MCM9: variants seen among roughly 807,000 people sequenced by gnomAD.
The protein encoded by MCM9 is DNA helicase MCM9.
A neutral mutation model predicts 72.8 loss-of-function variants in MCM9; 55 were observed. The observed-to-expected ratio is 0.76, with a 90% CI of 0.61 to 0.95. The LOEUF is 0.95. Ranked by LOEUF, MCM9 falls within the 40% of genes least tolerant of loss-of-function variation. The pLI is 0.00. For synonymous variants in MCM9, 480 were observed against 503.4 expected (o/e 0.95, Z 0.62); for missense variants, 1,279 against 1,377.0 (o/e 0.93, Z 1.13).
At chr6:118,833,834 G>A (rs948544219) in intron 9 of MCM9, among the ~76,000 whole-genome samples, 1 of 152,058 alleles carries the variant, frequency 6.6e-6, no homozygotes, top group African/African-American at 2.4e-5. Flanking sequence ...TTTGCAAGAC[G>A]GAAAGAGTCC....
Position 118,911,593 on chromosome 6 carries a change from C to A in MCM9, c.1150+57G>T, listed in dbSNP as rs562914656. On this transcript the variant is annotated intron_variant, in intron 8 of 13. Coordinates refer to ENST00000619706, the MANE Select transcript of MCM9 (RefSeq NM_017696.3). ...ATAGGTAGTTTTTCATTAGAAAAAACCATTGTGTTAACTTCTGAAGTAATG... is the reference window on the plus strand; with the variant it reads ...ATAGGTAGTTTTTCATTAGAAAAAAACATTGTGTTAACTTCTGAAGTAATG... 52 of 1,535,482 alleles carry A rather than the reference C, an allele frequency of 3.4e-5. 1 individual carries two copies. The highest frequency in any genetic ancestry group is 7.8e-5 in the Admixed American group (4 of 51,496).
intron 9 of MCM9, among the ~76,000 whole-genome samples, chr6:118,850,016 T>TA (rs1489447551): frequency 1.3e-5 from 2 of 151,878 alleles, no homozygotes; most frequent in Non-Finnish European, 2.9e-5. Context: ...TTGACTTTGT[T>TA]AAAACAAGCT....
At chr6:118,933,964 CAAA>C (rs58109173) in intron 1 of MCM9, among the ~76,000 whole-genome samples, 7 of 100,312 alleles carry the variant, frequency 7.0e-5, no homozygotes, top group East Asian at 3.4e-4. Flanking sequence ...GGACTTTGCC[CAAA>C]AAAAAAAAAA....
chr6:118,894,056 C>T (rs1779164152), intron 8 of MCM9: 1 of 1,064,936 alleles, frequency 9.4e-7, no homozygotes, highest in Non-Finnish European at 1.1e-6. Flanking sequence ...CTAATCCACA[C>T]CAGCAGGTGG....
At chr6:118,900,658 C>A in intron 8 of MCM9, 1 of 774,256 alleles carries the variant, frequency 1.3e-6, no homozygotes, top group Non-Finnish European at 2.3e-6. Flanking sequence ...CTATGAGAAG[C>A]CAATTTTAAA....
chr6:118,918,770 GCCTTTGTGCCAAT>G (rs1192899280), intron 5 of MCM9: 2 of 152,244 alleles, frequency 1.3e-5, no homozygotes, highest in East Asian at 3.9e-4. Flanking sequence ...TCATTTCCAA[GCCTTTGTGCCAAT>G]TATATGATAT....
At chr6:118,901,522 G>C (rs1467726078) in intron 8 of MCM9, among the ~76,000 whole-genome samples, 1 of 152,098 alleles carries the variant, frequency 6.6e-6, no homozygotes, top group East Asian at 1.9e-4. Context: ...AGAATTTCTA[G>C]TAATAAAAAT....
chr6:118,834,570 C>T (rs1209356508), intron 9 of MCM9, among the ~76,000 whole-genome samples: 1 of 152,044 alleles, frequency 6.6e-6, no homozygotes, highest in African/African-American at 2.4e-5. Flanking sequence ...TGACATAGTA[C>T]CTAATTGTGG....
chr6:118,916,432 C>CATCATTATT (rs1554261915), intron 6 of MCM9, among the ~76,000 whole-genome samples: 1 of 142,394 alleles, frequency 7.0e-6, no homozygotes, highest in Non-Finnish European at 1.5e-5. Context: ...GAAATGGAAG[C>CATCATTATT]ATTATTATTA....
At chr6:118,818,497 T>A (rs1773556889) in intron 13 of MCM9, among the ~76,000 whole-genome samples, 1 of 152,202 alleles carries the variant, frequency 6.6e-6, no homozygotes, top group Non-Finnish European at 1.5e-5. Flanking sequence ...TATATCTGTT[T>A]TGGTACCAGC....
intron 3 of MCM9, among the ~76,000 whole-genome samples, chr6:118,925,028 A>C (rs1781772203): frequency 6.6e-6 from 1 of 151,422 alleles, no homozygotes; most frequent in African/African-American, 2.4e-5. Flanking sequence ...TGGGGAACAG[A>C]GGAAGACCCT....
At chr6:118,886,488 A>T (rs1778612311) in intron 8 of MCM9, among the ~76,000 whole-genome samples, 1 of 152,214 alleles carries the variant, frequency 6.6e-6, no homozygotes, top group Non-Finnish European at 1.5e-5. Flanking sequence ...ATTTATTGGA[A>T]CTAATAAATG....
In MCM9 at chr6:118,913,315, G is replaced by T; in HGVS notation, c.1010C>A (p.Ala337Asp). ...CTAACCTCTGACCCGTGTTCCTGTAGCATCAGTCCTTTGAATCCCACCAGC... is the reference window on the plus strand; with the variant it reads ...CTAACCTCTGACCCGTGTTCCTGTATCATCAGTCCTTTGAATCCCACCAGC... The part of the protein sequence containing the change: ...VLAGGIQRTD[A>D]TGTRVRGESH... Residue 337 changes from alanine to aspartate, a missense_variant, in exon 7 of 14, where the codon GCT (alanine) becomes GAT (aspartate). Ala to Asp is a moderately radical substitution (Grantham distance 126). Transcript: ENST00000619706. 1 of 1,614,018 alleles carries T rather than the reference G, an allele frequency of 6.2e-7. No individual in the cohort carries two copies. Among genetic ancestry groups the T allele is most frequent in the Non-Finnish European group, 8.5e-7 (1 of 1,179,994 alleles).
chr6:118,877,551 T>C (rs1277931778), intron 8 of MCM9, among the ~76,000 whole-genome samples: 1 of 152,218 alleles, frequency 6.6e-6, no homozygotes, highest in Non-Finnish European at 1.5e-5. Flanking sequence ...GTGCAAGTAC[T>C]GGCAAGGTTG....
In MCM9 at chr6:118,917,573, C is replaced by T. The variant is rs115751132; in HGVS notation, c.892G>A (p.Asp298Asn). The change falls in exon 6 of 14, where the codon GAT (aspartate) becomes AAT (asparagine). Residue 298 changes from aspartate (D) to asparagine (N), a missense_variant. Transcript: ENST00000619706. ...CTTAAACACAAACCTGCAAAGGGAT[C>T]GCTCTTATAGTATTCCCAAAAATCT... The part of the protein sequence containing the change: ...FEDFWEYYKS[D>N]PFAGRNVILA... The T allele has an allele frequency of 7.7e-5, 125 of 1,614,068 alleles. 1 individual carries two copies. In the African/African-American group the frequency reaches 1.3e-3, roughly 17 times the overall value.
At chr6:118,914,613 G>T (rs1466897715) in intron 6 of MCM9, among the ~76,000 whole-genome samples, 1 of 152,072 alleles carries the variant, frequency 6.6e-6, no homozygotes. Context: ...CTGGAGAAAA[G>T]GTCAGGAATC....
At chr6:118,914,971 GAGTT>G (rs1296732086) in intron 6 of MCM9, among the ~76,000 whole-genome samples, 4 of 152,198 alleles carry the variant, frequency 2.6e-5, no homozygotes, top group Admixed American at 1.3e-4. Flanking sequence ...AGAATCAAGG[GAGTT>G]AGTAAGTATA....
intron 8 of MCM9, chr6:118,894,361 T>G: frequency 6.5e-7 from 1 of 1,535,298 alleles, no homozygotes; most frequent in Non-Finnish European, 8.7e-7. Flanking sequence ...CGCGCTGGAC[T>G]TTATTGTGCC....
At chr6:118,916,432 C>CATTATTATTATT (rs60745084) in intron 6 of MCM9, among the ~76,000 whole-genome samples, 25 of 142,392 alleles carry the variant, frequency 1.8e-4, no homozygotes, top group South Asian at 4.6e-4. Context: ...GAAATGGAAG[C>CATTATTATTATT]ATTATTATTA....
Sources: allele counts gnomAD v4.1 joint callset (sites outside exome capture counted in the v4.1 genomes callset), GRCh38; gene constraint gnomAD v4.1.1; transcripts MANE v1.5; gene names NCBI Gene and HGNC (gene_info 2026-07-23, HGNC 2026-07-21).